The following ANKH variants were observed in gnomAD, a reference collection of about 807,000 sequenced individuals.
ANKH encodes the protein mineralization regulator ANKH.
A neutral mutation model predicts 49.0 loss-of-function variants in ANKH; 15 were observed. The ratio of observed to expected loss-of-function variants is 0.31; its 90% CI spans 0.20 to 0.47. ANKH has a LOEUF of 0.47. Ranked by LOEUF, ANKH falls within the 20% of genes least tolerant of loss-of-function variation. The pLI, the probability that ANKH is intolerant of heterozygous loss-of-function variation, is 1.00. For missense variants in ANKH, 429 were observed against 652.0 expected (o/e 0.66, Z 3.72); for synonymous variants, 273 against 260.0 (o/e 1.05, Z -0.48).
At chr5:14,755,106 A>T (rs1454264987) in intron 4 of ANKH, among the ~76,000 whole-genome samples, 1 of 151,582 alleles carries the variant, frequency 6.6e-6, no homozygotes, top group African/African-American at 2.4e-5. Context: ...AGGCATTTAG[A>T]GATATAGTCT....
intron 1 of ANKH, among the ~76,000 whole-genome samples, chr5:14,771,133 C>T (rs145983532): frequency 1.5e-4 from 23 of 152,292 alleles, no homozygotes; most frequent in African/African-American, 5.5e-4. Context: ...CCAAAGGAGC[C>T]AACGGGTGCT....
chr5:14,845,087 G>T (rs1741918409), intron 1 of ANKH, among the ~76,000 whole-genome samples: 1 of 150,398 alleles, frequency 6.6e-6, no homozygotes, highest in Non-Finnish European at 1.5e-5. Context: ...ACTTTAATAA[G>T]GTATCTGACC....
intron 3 of ANKH, among the ~76,000 whole-genome samples, chr5:14,757,884 T>C (rs933591735): frequency 2.0e-5 from 3 of 152,102 alleles, no homozygotes; most frequent in Non-Finnish European, 4.4e-5. Flanking sequence ...CCTCAAAAAA[T>C]CAAAAATCAA....
intron 8 of ANKH, among the ~76,000 whole-genome samples, chr5:14,740,847 G>A (rs114026032): frequency 0.016 from 2,469 of 152,224 alleles, 28 homozygotes; most frequent in Non-Finnish European, 0.023. Flanking sequence ...CACGGCCTCC[G>A]GTCCTCTTTA....
chr5:14,726,167 G>A (rs1737816947), intron 8 of ANKH, among the ~76,000 whole-genome samples: 1 of 152,154 alleles, frequency 6.6e-6, no homozygotes, highest in East Asian at 1.9e-4. Flanking sequence ...ATACTTAGGG[G>A]TGGAGGGGCC....
intron 1 of ANKH, among the ~76,000 whole-genome samples, chr5:14,814,881 A>G (rs568297003): frequency 6.6e-6 from 1 of 152,224 alleles, no homozygotes; most frequent in Non-Finnish European, 1.5e-5. Context: ...AAATTTCACG[A>G]GTTTGGGAGC....
intron 1 of ANKH, among the ~76,000 whole-genome samples, chr5:14,778,702 C>A (rs1739712081): frequency 6.6e-6 from 1 of 152,194 alleles, no homozygotes; most frequent in Admixed American, 6.5e-5. Context: ...CTACTGCAGC[C>A]TACACTTCAG....
chr5:14,711,095 A>G lies in ANKH; in HGVS notation c.*102T>C, dbSNP rs1346302345. ...TCAAGGCCTCTTTCATTACCAAAACAAAACAAAAAAAAGGGAACAAAATAC... is the reference window on the plus strand; with the variant it reads ...TCAAGGCCTCTTTCATTACCAAAACGAAACAAAAAAAAGGGAACAAAATAC... On this transcript the variant is annotated 3_prime_UTR_variant, in exon 12 of 12. Transcript: ENST00000284268. 5.4e-6 allele frequency: 6 copies of G among 1,101,626 alleles called. No homozygotes were observed. In the African/African-American group the frequency reaches 9.2e-5, roughly 17 times the overall value. 68.2% of individuals were successfully genotyped at this position (1,101,626 alleles called of 1,614,324 possible).
chr5:14,850,094 C>T (rs977140625), intron 1 of ANKH, among the ~76,000 whole-genome samples: 3 of 152,202 alleles, frequency 2.0e-5, no homozygotes, highest in African/African-American at 7.2e-5. Flanking sequence ...TCTCAACAAA[C>T]CCAAGAATAA....
rs1742024294 is a variant in ANKH, at chr5:14,848,305, T to A, written c.96+23047A>T. Among the ~76,000 whole-genome samples, 7 of 152,260 alleles carry A rather than the reference T, an allele frequency of 4.6e-5. No homozygotes were observed. The South Asian group carries it at 1.4e-3, about 32-fold the overall frequency. Reference sequence around the variant, plus strand: ...GAGCTCACTAAAATACCAATTAGGCTAAAAGCAGGAGGTAAAGAAATTGTC... The same window carrying A: ...GAGCTCACTAAAATACCAATTAGGCAAAAAGCAGGAGGTAAAGAAATTGTC... On this transcript the variant is annotated intron_variant, in intron 1 of 11. Coordinates refer to ENST00000284268, the MANE Select transcript of ANKH (RefSeq NM_054027.6).
intron 1 of ANKH, among the ~76,000 whole-genome samples, chr5:14,867,559 CTT>C (rs564551663): frequency 6.8e-6 from 1 of 147,800 alleles, no homozygotes. Context: ...TTCCCATTTT[CTT>C]TTTTTTTTTG....
intron 1 of ANKH, among the ~76,000 whole-genome samples, chr5:14,817,492 A>C (rs76008640): frequency 0.018 from 2,716 of 152,262 alleles, 77 homozygotes; most frequent in African/African-American, 0.062. Flanking sequence ...ATGTTAAATG[A>C]ATCTTCTCCC....
Position 14,705,062 on chromosome 5 carries a change from G to C in ANKH, c.*6135C>G, listed in dbSNP as rs535213853. ...TATTTTAGAGACGGGGTTTTGCTCT[G>C]TTGCTCAGGCTGGATTCCAACTCCT... On this transcript the variant is annotated 3_prime_UTR_variant, in exon 12 of 12. Coordinates refer to ENST00000284268, the MANE Select transcript of ANKH (RefSeq NM_054027.6). 14 of 152,126 alleles carry C rather than the reference G, an allele frequency of 9.2e-5. No homozygotes were observed. Among genetic ancestry groups the C allele is most frequent in the Non-Finnish European group, 1.8e-4 (12 of 68,030 alleles). The allele number at this position is 152,126 out of a possible 1,614,324, so 9.4% of individuals were successfully genotyped here.
intron 9 of ANKH, among the ~76,000 whole-genome samples, chr5:14,715,425 C>G (rs1737412243): frequency 6.6e-6 from 1 of 152,082 alleles, no homozygotes. Context: ...GCCACTGCGC[C>G]CGGCCCATGG....
chr5:14,776,839 A>G (rs1739639766), intron 1 of ANKH, among the ~76,000 whole-genome samples: 1 of 152,218 alleles, frequency 6.6e-6, no homozygotes, highest in African/African-American at 2.4e-5. Context: ...TTTAGATTAG[A>G]GCCAGATTTA....
chr5:14,837,601 G>T (rs537095177), intron 1 of ANKH, among the ~76,000 whole-genome samples: 4 of 152,144 alleles, frequency 2.6e-5, no homozygotes, highest in Non-Finnish European at 5.9e-5. Context: ...TTAGAATGGC[G>T]ATCATTAAAA....
intron 2 of ANKH, chr5:14,768,148 G>A (rs1739312067): frequency 6.6e-6 from 1 of 152,230 alleles, no homozygotes; most frequent in South Asian, 2.1e-4. Flanking sequence ...CAAACACACT[G>A]TAAACGGTCT....
chr5:14,845,901 T>C (rs114682551), intron 1 of ANKH, among the ~76,000 whole-genome samples: 12,712 of 140,326 alleles, frequency 0.091, 721 homozygotes, highest in Admixed American at 0.12. Context: ...TTGCCCAGGC[T>C]GGAGAGTACA....
chr5:14,768,588 C>A, intron 2 of ANKH: 1 of 284,864 alleles, frequency 3.5e-6, no homozygotes, highest in South Asian at 4.0e-5. Flanking sequence ...GTTCTCACTG[C>A]TAATAAGCAT....
Sources: gnomAD v4.1 joint callset for allele counts (sites outside exome capture counted in the v4.1 genomes callset) on GRCh38, gnomAD v4.1.1 for gene constraint, MANE v1.5 for transcripts, NCBI Gene and HGNC (gene_info 2026-07-23, HGNC 2026-07-21) for gene names.